RAB11FIP1: variants seen among roughly 807,000 people sequenced by gnomAD.
RAB11FIP1 encodes RAB11 family interacting protein 1.
RAB11FIP1 carries 49 observed loss-of-function variants against 83.1 expected under a neutral mutation model. The observed-to-expected ratio is 0.59, with a 90% CI of 0.47 to 0.75. The LOEUF is 0.75. Among genes scored for constraint, RAB11FIP1 ranks in the 30% least tolerant of loss-of-function variants. The probability of loss-of-function intolerance (pLI) is 0.00; values close to 1 mark genes in which losing one functional copy is unlikely to be tolerated. For missense variants in RAB11FIP1, 1,536 were observed against 1,598.7 expected, an observed-to-expected ratio of 0.96 and a Z score of 0.67; for synonymous variants, 670 against 656.0, an observed-to-expected ratio of 1.02 and a Z score of -0.33.
At position 37,872,180 on chromosome 8, in the gene RAB11FIP1, C is replaced by T. The variant is rs771221461; in HGVS notation, c.2622G>A (p.Thr874=). 1.3e-5 allele frequency: 21 copies of T among 1,613,952 alleles called. No homozygotes were observed. Among genetic ancestry groups the T allele is most frequent in the Admixed American group, 1.7e-5 (1 of 59,996 alleles). Residue 874 remains threonine (T), a synonymous_variant, in exon 4 of 6, where the codon ACG becomes ACA. Transcript: ENST00000330843. ...CCGCTGGGGAGGCTGGCGCACCACA[C>T]GTCGCTGGCCCAGGTGTGGTCACCG... is the stretch of plus-strand genomic sequence containing the variant. ...RESVTTPGPA[T]CGAPASPADH...
In RAB11FIP1 at chr8:37,877,508, G is replaced by A. The variant is rs376776211; in HGVS notation, c.415C>T (p.Arg139Ter). 6.2e-6 allele frequency: 10 copies of A among 1,611,222 alleles called. No individual in the cohort carries two copies. Among genetic ancestry groups the A allele is most frequent in the East Asian group, 2.2e-5 (1 of 44,868 alleles). ...TGGATGTCAACCTCAATTTCTCCTCGCTCCTTGTCCTTCTTTCCTGGTTTG... is the reference window on the plus strand; with the variant it reads ...TGGATGTCAACCTCAATTTCTCCTCACTCCTTGTCCTTCTTTCCTGGTTTG... The part of the protein sequence containing the change: ...KSKPGKKDKE[R>*]GEIEVDIQFM... Residue 139 changes from arginine to a stop codon, truncating the protein, a stop_gained, in exon 2 of 6, where the codon CGA (arginine) becomes TGA (stop). Transcript: ENST00000330843. LOFTEE classifies it high-confidence loss of function.
rs1295250678 is a variant in RAB11FIP1 at position 37,859,126 on chromosome 8, A to G, written c.*3769T>C. The G allele has an allele frequency of 6.6e-6, 1 of 152,038 alleles. No homozygotes were observed. The highest frequency in any genetic ancestry group is 1.9e-4 in the East Asian group (1 of 5,202). 9.4% of individuals were successfully genotyped at this position (152,038 alleles called of 1,614,324 possible). ...GAAGAGGGCGTCAGTTAAGTAGCTC[A>G]CACAGTAGATATGGAGACACCATAT... On this transcript the variant is annotated 3_prime_UTR_variant, in exon 6 of 6. Coordinates refer to ENST00000330843, the MANE Select transcript of RAB11FIP1 (RefSeq NM_001002814.3).
At chr8:37,892,425 A>T (rs775436879) in intron 1 of RAB11FIP1, among the ~76,000 whole-genome samples, 13 of 144,170 alleles carry the variant, frequency 9.0e-5, no homozygotes, top group South Asian at 2.2e-4. Context: ...ACTTTTATTT[A>T]TATTTATTTA....
Position 37,871,810 on chromosome 8 carries a change from C to T in RAB11FIP1, c.2992G>A (p.Ala998Thr), listed in dbSNP as rs754055166. The part of the protein sequence containing the change: ...TAKSSTLDIG[A>T]LSLGLVVPCP... ...GGGACTACCAAGCCCAAGGACAAAG[C>T]TCCTATGTCCAGAGTTGACGACTTT... is the stretch of plus-strand genomic sequence containing the variant. The change falls in exon 4 of 6, where the codon GCT (alanine) becomes ACT (threonine). Residue 998 changes from alanine to threonine, a missense_variant. Physicochemically the swap from Ala to Thr is moderately conservative, Grantham distance 58. Coordinates refer to ENST00000330843, the MANE Select transcript of RAB11FIP1 (RefSeq NM_001002814.3). 1.9e-6 allele frequency: 3 copies of T among 1,614,088 alleles called. No individual in the cohort carries two copies. Among genetic ancestry groups the T allele is most frequent in the East Asian group, 2.2e-5 (1 of 44,880 alleles).
Position 37,875,060 on chromosome 8 carries a change from C to A in RAB11FIP1, c.1077G>T (p.Glu359Asp). ...FRKKHLFSST[E>D]NLAAGSWKEP... Reference sequence around the variant, plus strand: ...CCTTCCAAGACCCAGCCGCCAGGTTCTCTGTAGAAGAGAACAAATGCTTCT... The same window carrying A: ...CCTTCCAAGACCCAGCCGCCAGGTTATCTGTAGAAGAGAACAAATGCTTCT... Residue 359 changes from glutamate (E) to aspartate (D), a missense_variant, in exon 3 of 6, where the codon GAG (glutamate) becomes GAT (aspartate). Physicochemically the swap from Glu to Asp is conservative, Grantham distance 45. Transcript: ENST00000330843. The A allele has an allele frequency of 1.2e-6, 2 of 1,614,170 alleles. No individual in the cohort carries two copies. The highest frequency in any genetic ancestry group is 2.2e-5 in the South Asian group (2 of 91,082).
chr8:37,889,928 T>C (rs1806913022), intron 1 of RAB11FIP1, among the ~76,000 whole-genome samples: 2 of 151,964 alleles, frequency 1.3e-5, no homozygotes, highest in Admixed American at 1.3e-4. Context: ...GGATAACAGG[T>C]GCCCGCCACC....
chr8:37,887,015 G>C (rs1806847432), intron 1 of RAB11FIP1, among the ~76,000 whole-genome samples: 1 of 152,118 alleles, frequency 6.6e-6, no homozygotes. Context: ...TATTGAAGAA[G>C]GTAGCTAGTC....
chr8:37,865,327 T>TC (rs1401970437), intron 5 of RAB11FIP1, among the ~76,000 whole-genome samples: 1 of 151,124 alleles, frequency 6.6e-6, no homozygotes, highest in Non-Finnish European at 1.5e-5. Flanking sequence ...TTTTTTTTTT[T>TC]TTCTTTTTTT....
At chr8:37,894,788 C>T (rs954561472) in intron 1 of RAB11FIP1, among the ~76,000 whole-genome samples, 1 of 149,348 alleles carries the variant, frequency 6.7e-6, no homozygotes, top group African/African-American at 2.5e-5. Flanking sequence ...TCGTTCTTGT[C>T]GCCCAGGCTG....
chr8:37,869,715 A>C (rs1189125771), intron 5 of RAB11FIP1, among the ~76,000 whole-genome samples: 2 of 152,206 alleles, frequency 1.3e-5, no homozygotes, highest in African/African-American at 4.8e-5. Context: ...TTTTAAAAAA[A>C]ATTATGCATA....
At chr8:37,863,948 G>A (rs759307269) in intron 5 of RAB11FIP1, among the ~76,000 whole-genome samples, 3 of 152,216 alleles carry the variant, frequency 2.0e-5, no homozygotes, top group African/African-American at 7.2e-5. Flanking sequence ...AGTGCAGGGA[G>A]CAAGGGCTTT....
intron 1 of RAB11FIP1, among the ~76,000 whole-genome samples, chr8:37,884,195 G>T (rs1400005197): frequency 6.6e-6 from 1 of 151,666 alleles, no homozygotes; most frequent in East Asian, 2.0e-4. Context: ...CTCCCGAGTA[G>T]CTGGGAGTAC....
At position 37,871,756 on chromosome 8, in the gene RAB11FIP1, C is replaced by T; in HGVS notation, c.3046G>A (p.Gly1016Ser). The T allele has an allele frequency of 2.5e-6, 4 of 1,613,828 alleles. No homozygotes were observed. The highest frequency in any genetic ancestry group is 3.4e-6 in the Non-Finnish European group (4 of 1,179,932). The change falls in exon 4 of 6, where the codon GGC becomes AGC. Residue 1016 changes from glycine (G) to serine (S), a missense_variant. By Grantham distance (56) the Gly-to-Ser change is moderately conservative (BLOSUM62 0). Coordinates refer to ENST00000330843, the MANE Select transcript of RAB11FIP1 (RefSeq NM_001002814.3). The part of the protein sequence containing the change: ...PCPERGKGPS[G>S]EADRLVLGEG... ...CCCAGTACCAACCTATCTGCCTCGC[C>T]ACTGGGCCCCTTTCCCCTCTCAGGA...
In RAB11FIP1 at chr8:37,877,207, G is replaced by A. The variant is rs150207701; in HGVS notation, c.716C>T (p.Pro239Leu). 1,456 of 1,614,042 alleles carry A rather than the reference G, an allele frequency of 9.0e-4. 15 individuals are homozygous for A. The African/African-American group carries it at 0.016, about 18-fold the overall frequency. ...CAGCACTTTTTCTGGCTTTGAAGTC[G>A]GCAGGACAGACATGGACTGGGAAAG... ...TPLSQSMSVL[P>L]TSKPEKVLLR... The change falls in exon 2 of 6, where the codon CCG (proline) becomes CTG (leucine). Residue 239 changes from proline to leucine, a missense_variant. Coordinates refer to ENST00000330843, the MANE Select transcript of RAB11FIP1 (RefSeq NM_001002814.3).
Position 37,872,858 on chromosome 8 carries a change from A to C in RAB11FIP1, c.1944T>G (p.Gly648=). 1 of 1,614,200 alleles carries C rather than the reference A, an allele frequency of 6.2e-7. No individual in the cohort carries two copies. The highest frequency in any genetic ancestry group is 8.5e-7 in the Non-Finnish European group (1 of 1,180,028). ...TESLTPVPNS[G]SSALGSLFKQ... Reference sequence around the variant, plus strand: ...TGAAAAGTGATCCCAGGGCAGAAGAACCAGAATTTGGAACCGGTGTTAAAC... The same window carrying C: ...TGAAAAGTGATCCCAGGGCAGAAGACCCAGAATTTGGAACCGGTGTTAAAC... Residue 648 remains glycine (G), a synonymous_variant, in exon 4 of 6, where the codon GGT becomes GGG. Coordinates refer to ENST00000330843, the MANE Select transcript of RAB11FIP1 (RefSeq NM_001002814.3).
intron 5 of RAB11FIP1, 57 bp from the exon 6 acceptor site, chr8:37,863,170 T>C: frequency 7.2e-7 from 1 of 1,388,628 alleles, no homozygotes; most frequent in Non-Finnish European, 1.0e-6. Context: ...CACAGAAACC[T>C]AAAACCTAAA....
chr8:37,898,364 AGCCGGGCGG>A (rs1807135621), intron 1 of RAB11FIP1, among the ~76,000 whole-genome samples: 1 of 152,142 alleles, frequency 6.6e-6, no homozygotes, highest in South Asian at 2.1e-4. Context: ...TACAAAAATT[AGCCGGGCGG>A]GCCGGGCGCG....
chr8:37,896,463 C>T (rs188620279), intron 1 of RAB11FIP1, among the ~76,000 whole-genome samples: 1 of 152,052 alleles, frequency 6.6e-6, no homozygotes, highest in East Asian at 1.9e-4. Context: ...CATAGAGATG[C>T]AAAGAAGCCT....
chr8:37,897,840 C>T (rs1807122110), intron 1 of RAB11FIP1, among the ~76,000 whole-genome samples: 1 of 152,160 alleles, frequency 6.6e-6, no homozygotes, highest in Non-Finnish European at 1.5e-5. Flanking sequence ...TTCACCAACC[C>T]CCTAGGCAAG....
Sources: gnomAD v4.1 joint callset for allele counts (sites outside exome capture counted in the v4.1 genomes callset) on GRCh38, gnomAD v4.1.1 for gene constraint, MANE v1.5 for transcripts, NCBI Gene and HGNC (gene_info 2026-07-23, HGNC 2026-07-21) for gene names.